Variants in AFF3 observed in about 807,000 individuals in gnomAD.
AFF3 encodes the protein ALF transcription elongation factor 3.
A neutral mutation model predicts 129.7 loss-of-function variants in AFF3; 32 were observed. The ratio of observed to expected loss-of-function variants is 0.25; its 90% CI spans 0.19 to 0.33. The LOEUF is 0.33. AFF3 is among the 10% of genes least tolerant of loss of function. The pLI is 1.00. For synonymous variants in AFF3, 644 were observed against 635.4 expected (o/e 1.01, Z -0.20); for missense variants, 1,373 against 1,592.0 (o/e 0.86, Z 2.34).
chr2:99,891,219 T>C (rs1693524137), intron 7 of AFF3, among the ~76,000 whole-genome samples: 2 of 152,220 alleles, frequency 1.3e-5, no homozygotes, highest in East Asian at 1.9e-4. Context: ...CTGAGTTATC[T>C]GGTATGTGTC....
At position 99,546,927 on chromosome 2, in the gene AFF3, A is replaced by G. The variant is rs1674091608; in HGVS notation, c.*4547T>C. ...AGCTTCCTGTTGAGCCTTCACTGGG[A>G]CACTGGGAGCGTGCATGTGCATACG... On this transcript the variant is annotated 3_prime_UTR_variant, in exon 25 of 25. Transcript: ENST00000672756. The G allele has an allele frequency of 4.5e-6, 1 of 221,272 alleles. No homozygotes were observed. The highest frequency in any genetic ancestry group is 6.6e-5 in the East Asian group (1 of 15,232). 13.7% of individuals were successfully genotyped at this position (221,272 alleles called of 1,614,324 possible). A position where few individuals can be genotyped will look rare whatever the true frequency, so the allele number is the denominator to read the frequency against.
In AFF3 at chr2:99,618,224, C is replaced by CTTTTTTTTTTTT. The variant is rs70940180; in HGVS notation, c.1185-16615_1185-16604dup. Among the ~76,000 whole-genome samples, 27 of 80,078 alleles carry CTTTTTTTTTTTT rather than the reference C, an allele frequency of 3.4e-4. 6 individuals carry two copies. Among genetic ancestry groups the CTTTTTTTTTTTT allele is most frequent in the African/African-American group, 1.3e-3 (23 of 17,690 alleles). 52.5% of individuals were successfully genotyped at this position (80,078 alleles called of 152,430 possible). ...TAGATGAGAAAATGCTCATAACATT[C>CTTTTTTTTTTTT]TTTTTTTTTTTTTTTTTTTTTTTTT... On this transcript the variant is annotated intron_variant, in intron 13 of 24. Coordinates refer to ENST00000672756, the MANE Select transcript of AFF3 (RefSeq NM_001386135.1).
intron 12 of AFF3, among the ~76,000 whole-genome samples, chr2:99,661,610 T>C (rs1686235754): frequency 6.6e-6 from 1 of 152,162 alleles, no homozygotes; most frequent in African/African-American, 2.4e-5. Context: ...TCCGAGGAGA[T>C]TCGATGAGAA....
At chr2:99,637,881 T>A (rs997762778) in intron 13 of AFF3, among the ~76,000 whole-genome samples, 6 of 152,238 alleles carry the variant, frequency 3.9e-5, no homozygotes, top group African/African-American at 1.4e-4. Context: ...TACACAGTGT[T>A]ATGTTGTCCT....
chr2:100,135,506 G>A (rs1692601007), intron 1 of AFF3, among the ~76,000 whole-genome samples: 1 of 152,122 alleles, frequency 6.6e-6, no homozygotes, highest in African/African-American at 2.4e-5. Flanking sequence ...GGAGAGCCTG[G>A]GAGAATGAGA....
chr2:99,825,287 T>G (rs1371647078), intron 8 of AFF3, among the ~76,000 whole-genome samples: 1 of 152,170 alleles, frequency 6.6e-6, no homozygotes, highest in Non-Finnish European at 1.5e-5. Flanking sequence ...GATGTTCTAA[T>G]TTTTCAAGGC....
At position 99,551,027 on chromosome 2, in the gene AFF3, C is replaced by A. The variant is rs1209164031; in HGVS notation, c.*447G>T. 14 of 401,916 alleles carry A rather than the reference C, an allele frequency of 3.5e-5. No homozygotes were observed. Among genetic ancestry groups the A allele is most frequent in the Non-Finnish European group, 5.3e-5 (12 of 227,284 alleles). The allele number at this position is 401,916 out of a possible 1,614,324, so 24.9% of individuals were successfully genotyped here. ...AGGTCCATCTTCACTGGCAGTCAAGCTTTTGGTGTGCTGTATTGCACCTGG... is the reference window on the plus strand; with the variant it reads ...AGGTCCATCTTCACTGGCAGTCAAGATTTTGGTGTGCTGTATTGCACCTGG... On this transcript the variant is annotated 3_prime_UTR_variant, in exon 25 of 25. Transcript: ENST00000672756.
chr2:99,970,845 C>T (rs1170435133), intron 7 of AFF3, among the ~76,000 whole-genome samples: 1 of 152,202 alleles, frequency 6.6e-6, no homozygotes, highest in Non-Finnish European at 1.5e-5. Flanking sequence ...CACCTTTGCT[C>T]TACCTCCCGG....
chr2:99,862,273 T>TTCA (rs1691052370), intron 7 of AFF3, among the ~76,000 whole-genome samples: 1 of 152,202 alleles, frequency 6.6e-6, no homozygotes, highest in Non-Finnish European at 1.5e-5. Context: ...TTTTGCTGAA[T>TTCA]TCACTGGAAT....
intron 7 of AFF3, among the ~76,000 whole-genome samples, chr2:99,876,529 C>T (rs1430883665): frequency 2.0e-5 from 3 of 152,096 alleles, no homozygotes; most frequent in Admixed American, 6.5e-5. Flanking sequence ...GGTACCATCA[C>T]CTCTCCCCCG....
chr2:99,957,978 G>T (rs1553488815), intron 7 of AFF3, among the ~76,000 whole-genome samples: 1 of 152,078 alleles, frequency 6.6e-6, no homozygotes, highest in Non-Finnish European at 1.5e-5. Flanking sequence ...AAACGGGATG[G>T]TTTTCAAACT....
chr2:100,037,817 T>C (rs1685092800), intron 4 of AFF3, among the ~76,000 whole-genome samples: 1 of 138,870 alleles, frequency 7.2e-6, no homozygotes, highest in Non-Finnish European at 1.5e-5. Context: ...ATATAAAATA[T>C]ATAAAAATTA....
intron 2 of AFF3, among the ~76,000 whole-genome samples, chr2:100,108,887 C>G (rs958879256): frequency 5.2e-5 from 6 of 114,810 alleles, no homozygotes; most frequent in African/African-American, 2.0e-4. Context: ...ATGAGTGTTT[C>G]TGGGAATGTG....
At chr2:99,939,329 G>A (rs1471120446) in intron 7 of AFF3, among the ~76,000 whole-genome samples, 1 of 152,208 alleles carries the variant, frequency 6.6e-6, no homozygotes, top group Non-Finnish European at 1.5e-5. Flanking sequence ...AAATACAAAT[G>A]TTTAATTAAG....
intron 11 of AFF3, among the ~76,000 whole-genome samples, chr2:99,713,834 G>A (rs750342028): frequency 1.9e-4 from 29 of 151,844 alleles, no homozygotes; most frequent in Admixed American, 3.3e-4. Flanking sequence ...GAGTAGCTGG[G>A]ATTACAGGCG....
intron 7 of AFF3, among the ~76,000 whole-genome samples, chr2:99,947,641 TAGATAGA>T (rs1465507093): frequency 2.1e-5 from 3 of 142,660 alleles, no homozygotes; most frequent in Non-Finnish European, 4.6e-5. Flanking sequence ...GATAGATAGA[TAGATAGA>T]TAGATAGACA....
At chr2:99,619,024 C>T (rs1181735725) in intron 13 of AFF3, among the ~76,000 whole-genome samples, 2 of 152,254 alleles carry the variant, frequency 1.3e-5, no homozygotes, top group South Asian at 2.1e-4. Flanking sequence ...TCGGATTACA[C>T]GTGTGAGTTA....
intron 8 of AFF3, among the ~76,000 whole-genome samples, chr2:99,763,263 T>G (rs1455672504): frequency 6.6e-6 from 1 of 152,224 alleles, no homozygotes; most frequent in Non-Finnish European, 1.5e-5. Context: ...AAGTCACACT[T>G]AAAACCTTTA....
chr2:99,648,232 C>T (rs767589390), intron 13 of AFF3, among the ~76,000 whole-genome samples: 34 of 152,088 alleles, frequency 2.2e-4, no homozygotes, highest in Non-Finnish European at 4.1e-4. Context: ...GTGCAACCAT[C>T]ACCATAATCT....
Sources: allele counts gnomAD v4.1 joint callset (sites outside exome capture counted in the v4.1 genomes callset), GRCh38; gene constraint gnomAD v4.1.1; transcripts MANE v1.5; gene names NCBI Gene and HGNC (gene_info 2026-07-23, HGNC 2026-07-21).